The following PPP2R2D variants were observed in gnomAD, a reference collection of about 807,000 sequenced individuals.
The protein encoded by PPP2R2D is protein phosphatase 2 regulatory subunit Bdelta.
In PPP2R2D, 9 loss-of-function variants were observed where a neutral mutation model predicts 31.1. That is an observed-to-expected ratio of 0.29 (90% CI 0.17 to 0.51). The LOEUF (loss-of-function observed/expected upper bound fraction) is 0.51. PPP2R2D is among the 20% of genes least tolerant of loss of function. The probability of loss-of-function intolerance (pLI) is 0.98; values close to 1 mark genes in which losing one functional copy is unlikely to be tolerated. For missense variants in PPP2R2D, 391 were observed against 465.6 expected, an observed-to-expected ratio of 0.84 and a Z score of 1.48; for synonymous variants, 179 against 172.6, an observed-to-expected ratio of 1.04 and a Z score of -0.29.
chr10:131,918,494 T>G, intron 2 of PPP2R2D, among the ~76,000 whole-genome samples: 1 of 126,682 alleles, frequency 7.9e-6, no homozygotes. Flanking sequence ...CTCAGGCGGG[T>G]GGAATGACAG....
intron 8 of PPP2R2D, among the ~76,000 whole-genome samples, chr10:131,948,344 T>A (rs1398010336): frequency 6.3e-5 from 1 of 15,802 alleles, no homozygotes; most frequent in East Asian, 1.3e-3. Flanking sequence ...GAGAGTTACG[T>A]TTTTTTTATT....
At chr10:131,927,777 G>A (rs552364145) in intron 2 of PPP2R2D, among the ~76,000 whole-genome samples, 2 of 152,290 alleles carry the variant, frequency 1.3e-5, no homozygotes, top group African/African-American at 2.4e-5. Flanking sequence ...GGGGTGTTAC[G>A]CGATGGTCAT....
intron 2 of PPP2R2D, among the ~76,000 whole-genome samples, chr10:131,903,466 CAAAAAAA>C (rs1175160035): frequency 2.6e-4 from 19 of 74,430 alleles, no homozygotes; most frequent in South Asian, 1.1e-3. Context: ...GGCTCCATCT[CAAAAAAA>C]AAAAAAAAAA....
intron 2 of PPP2R2D, among the ~76,000 whole-genome samples, chr10:131,906,527 A>C (rs1279344253): frequency 6.6e-6 from 1 of 152,210 alleles, no homozygotes; most frequent in African/African-American, 2.4e-5. Context: ...TTTCCAAGGG[A>C]GTTTACATTG....
At chr10:131,924,900 T>G (rs1364928836) in intron 2 of PPP2R2D, among the ~76,000 whole-genome samples, 3 of 152,336 alleles carry the variant, frequency 2.0e-5, no homozygotes, top group Middle Eastern at 3.4e-3. Context: ...TTCCTAAGTA[T>G]TTATTCTTTT....
rs782692230 is a variant in PPP2R2D at position 131,955,666 on chromosome 10, T to C, written c.1083-18T>C. The C allele has an allele frequency of 7.1e-7, 1 of 1,408,724 alleles. No individual in the cohort carries two copies. Among genetic ancestry groups the C allele is most frequent in the Non-Finnish European group, 9.3e-7 (1 of 1,073,500 alleles). 87.3% of individuals were successfully genotyped at this position (1,408,724 alleles called of 1,614,324 possible). On this transcript the variant is annotated intron_variant, in intron 8 of 8. Coordinates refer to ENST00000455566, the MANE Select transcript of PPP2R2D (RefSeq NM_018461.5). ...CCCCCCACTGAGGAGTGCTGCTGTC[T>C]GCTCTTGTTTTGAACAGCGCCATCA...
intron 2 of PPP2R2D, among the ~76,000 whole-genome samples, chr10:131,924,746 T>C (rs549601738): frequency 6.6e-6 from 1 of 152,194 alleles, no homozygotes; most frequent in South Asian, 2.1e-4. Context: ...ACCTTGACTA[T>C]TGTAGAACAC....
downstream of PPP2R2D, among the ~76,000 whole-genome samples, chr10:131,960,723 C>T (rs781937008): frequency 1.5e-4 from 23 of 152,186 alleles, no homozygotes; most frequent in Non-Finnish European, 2.9e-4. Context: ...TCTGGGGCTG[C>T]GGAGGCTCTC....
At position 131,956,645 on chromosome 10, in the gene PPP2R2D, C is replaced by A; in HGVS notation, c.*682C>A. The A allele has an allele frequency of 1.2e-6, 1 of 848,242 alleles. No homozygotes were observed. Among genetic ancestry groups the A allele is most frequent in the Non-Finnish European group, 1.4e-6 (1 of 704,900 alleles). 52.5% of individuals were successfully genotyped at this position (848,242 alleles called of 1,614,324 possible). ...AACTGTTTGAGAAATGTGTGTCCTT[C>A]TTTGGCAGCGTGGGGGTATGTGTGC... On this transcript the variant is annotated 3_prime_UTR_variant, in exon 9 of 9. Coordinates refer to ENST00000455566, the MANE Select transcript of PPP2R2D (RefSeq NM_018461.5).
intron 2 of PPP2R2D, among the ~76,000 whole-genome samples, chr10:131,913,710 T>C (rs1232619699): frequency 2.0e-5 from 3 of 152,314 alleles, no homozygotes; most frequent in African/African-American, 7.2e-5. Context: ...GTGGTAGGGC[T>C]CACTCCGTTA....
At position 131,958,332 on chromosome 10, in the gene PPP2R2D, T is replaced by A. The variant is rs1365843487; in HGVS notation, c.*2369T>A. ...CTGATCCCCCATCCCCCTGTGGAGA[T>A]GAAGGGGTGTGCTGATCCCCCGTCT... On this transcript the variant is annotated 3_prime_UTR_variant, in exon 9 of 9. Coordinates refer to ENST00000455566, the MANE Select transcript of PPP2R2D (RefSeq NM_018461.5). The A allele has an allele frequency of 3.0e-5, 6 of 199,038 alleles. No homozygotes were observed. The highest frequency in any genetic ancestry group is 1.8e-4 in the East Asian group (1 of 5,556). 12.3% of individuals were successfully genotyped at this position (199,038 alleles called of 1,614,324 possible). A position where few individuals can be genotyped will look rare whatever the true frequency, so the allele number is the denominator to read the frequency against.
At chr10:131,935,492 C>T (rs10430618) in intron 3 of PPP2R2D, among the ~76,000 whole-genome samples, 40,796 of 150,694 alleles carry the variant, frequency 0.27, 5,598 homozygotes, top group East Asian at 0.45. Context: ...GCCCTGCCCC[C>T]CAGGAAGGGG....
At chr10:131,904,574 G>C (rs2035553320) in intron 2 of PPP2R2D, among the ~76,000 whole-genome samples, 1 of 152,172 alleles carries the variant, frequency 6.6e-6, no homozygotes, top group Admixed American at 6.5e-5. Flanking sequence ...TCAGGCTGTA[G>C]AACTTAAGGT....
chr10:131,913,870 A>G (rs2035726194), intron 2 of PPP2R2D, among the ~76,000 whole-genome samples: 1 of 152,224 alleles, frequency 6.6e-6, no homozygotes, highest in Non-Finnish European at 1.5e-5. Context: ...CAGAGCATGA[A>G]AGAGACTTGA....
Position 131,947,915 on chromosome 10 carries a change from A to G in PPP2R2D, c.1082+124A>G. Reference sequence around the variant, plus strand: ...GGACGCTCATAGGGTGTTGTTTTCCAGACCTTTTGATTGATGGATGATAGT... The same window carrying G: ...GGACGCTCATAGGGTGTTGTTTTCCGGACCTTTTGATTGATGGATGATAGT... On this transcript the variant is annotated intron_variant, in intron 8 of 8. Coordinates refer to ENST00000455566, the MANE Select transcript of PPP2R2D (RefSeq NM_018461.5). This position sits in a 1 kb window ranked among gnomAD's most constrained non-coding sequence, Gnocchi z 4.3. 8.1e-7 allele frequency: 1 copy of G among 1,231,690 alleles called. No homozygotes were observed. The highest frequency in any genetic ancestry group is 1.5e-5 in the South Asian group (1 of 67,856). The allele number at this position is 1,231,690 out of a possible 1,614,324, so 76.3% of individuals were successfully genotyped here.
chr10:131,905,476 T>C (rs1030850567), intron 2 of PPP2R2D, among the ~76,000 whole-genome samples: 12 of 152,200 alleles, frequency 7.9e-5, no homozygotes, highest in African/African-American at 2.7e-4. Context: ...TTTGCTTCTC[T>C]CTCTGGTAGA....
chr10:131,917,426 C>T (rs2035827643), intron 2 of PPP2R2D, among the ~76,000 whole-genome samples: 1 of 132,286 alleles, frequency 7.6e-6, no homozygotes, highest in Non-Finnish European at 1.6e-5. Context: ...TTGTAGGGAC[C>T]TCAGTCGGGT....
intron 2 of PPP2R2D, among the ~76,000 whole-genome samples, chr10:131,915,985 A>G (rs996373279): frequency 6.6e-6 from 1 of 152,258 alleles, no homozygotes; most frequent in Non-Finnish European, 1.5e-5. Flanking sequence ...CAGTAGTAAA[A>G]GGCGTAATCT....
chr10:131,916,976 C>A (rs1378826179), intron 2 of PPP2R2D, among the ~76,000 whole-genome samples: 3 of 137,632 alleles, frequency 2.2e-5, no homozygotes, highest in Non-Finnish European at 3.1e-5. Flanking sequence ...TGGAATGACA[C>A]AGTGTAGGGA....
Sources: gnomAD v4.1 joint callset for allele counts (sites outside exome capture counted in the v4.1 genomes callset) on GRCh38, gnomAD v4.1.1 for gene constraint, Gnocchi (gnomAD v3.1) non-coding constraint, MANE v1.5 for transcripts, NCBI Gene and HGNC (gene_info 2026-07-23, HGNC 2026-07-21) for gene names.